ITPRID1: variants seen among roughly 807,000 people sequenced by gnomAD.
ITPRID1 encodes protein ITPRID1.
A neutral mutation model predicts 95.4 loss-of-function variants in ITPRID1; 96 were observed. That is an observed-to-expected ratio of 1.01 (90% CI 0.85 to 1.19). The LOEUF is 1.19. Among genes scored for constraint, ITPRID1 ranks in the 50% most tolerant of loss-of-function variants. ITPRID1 has a pLI of 0.00. For synonymous variants in ITPRID1, 510 were observed against 453.6 expected (o/e 1.12, Z -1.58); for missense variants, 1,339 against 1,252.9 (o/e 1.07, Z -1.04).
intron 5 of ITPRID1, among the ~76,000 whole-genome samples, chr7:31,568,634 C>G (rs1056220828): frequency 2.0e-5 from 3 of 152,186 alleles, no homozygotes; most frequent in African/African-American, 7.2e-5. Context: ...GATACAGGGT[C>G]TGAATCTTGC....
intron 12 of ITPRID1, among the ~76,000 whole-genome samples, chr7:31,647,835 A>G (rs753482801): frequency 1.3e-5 from 2 of 152,180 alleles, no homozygotes; most frequent in African/African-American, 2.4e-5. Context: ...ATAGCAATAT[A>G]TAACACTGCA....
chr7:31,519,620 C>CTCTCTCTCTCTCTCTCTCTATATA, intron 1 of ITPRID1, among the ~76,000 whole-genome samples: 1 of 25,268 alleles, frequency 4.0e-5, no homozygotes, highest in Non-Finnish European at 7.3e-5. Context: ...CTCTCTCTCT[C>CTCTCTCTCTCTCTCTCTCTATATA]TATATATATA....
At chr7:31,598,364 T>C (rs1296374705) in intron 10 of ITPRID1, among the ~76,000 whole-genome samples, 3 of 151,686 alleles carry the variant, frequency 2.0e-5, no homozygotes, top group Non-Finnish European at 2.9e-5. Context: ...AATAAAATAT[T>C]AGTGGCTAAA....
At chr7:31,618,959 C>T (rs1787535675) in intron 10 of ITPRID1, among the ~76,000 whole-genome samples, 1 of 152,150 alleles carries the variant, frequency 6.6e-6, no homozygotes, top group Admixed American at 6.5e-5. Flanking sequence ...TGACTCAAAG[C>T]ATTCTAGGAT....
At chr7:31,624,722 C>A (rs1278283737) in intron 10 of ITPRID1, among the ~76,000 whole-genome samples, 4 of 151,190 alleles carry the variant, frequency 2.6e-5, no homozygotes, top group Non-Finnish European at 4.4e-5. Context: ...GCAAGGACTT[C>A]ATGTCTAAAA....
intron 10 of ITPRID1, among the ~76,000 whole-genome samples, chr7:31,610,202 C>T (rs1166503477): frequency 6.6e-6 from 1 of 151,572 alleles, no homozygotes; most frequent in Non-Finnish European, 1.5e-5. Flanking sequence ...TATGGTCTAT[C>T]CTGCTTGGAG....
rs1390213891 is a variant in ITPRID1 at position 31,578,448 on chromosome 7, C to G, written c.1170+14C>G. 2 of 1,553,820 alleles carry G rather than the reference C, an allele frequency of 1.3e-6. No homozygotes were observed. The highest frequency in any genetic ancestry group is 1.7e-6 in the Non-Finnish European group (2 of 1,148,524). On this transcript the variant is annotated intron_variant, in intron 9 of 14. Coordinates refer to ENST00000615280, the MANE Select transcript of ITPRID1 (RefSeq NM_001257967.3). ...GAAATGGAAGAGGTCAGTGCTGCACCAACGTACCAGCCTCCTAAGGGAAAT... is the reference window on the plus strand; with the variant it reads ...GAAATGGAAGAGGTCAGTGCTGCACGAACGTACCAGCCTCCTAAGGGAAAT...
At chr7:31,608,953 G>A (rs937729639) in intron 10 of ITPRID1, among the ~76,000 whole-genome samples, 14 of 151,570 alleles carry the variant, frequency 9.2e-5, no homozygotes, top group African/African-American at 2.4e-4. Context: ...TGATGTTAGC[G>A]ATGGCCTTTT....
chr7:31,558,493 G>A (rs1784524993), intron 5 of ITPRID1, among the ~76,000 whole-genome samples: 1 of 152,034 alleles, frequency 6.6e-6, no homozygotes, highest in Non-Finnish European at 1.5e-5. Context: ...TTTTATGTCA[G>A]TAAAGTGTCT....
chr7:31,635,255 A>T (rs1789374195), intron 10 of ITPRID1, among the ~76,000 whole-genome samples: 1 of 152,206 alleles, frequency 6.6e-6, no homozygotes, highest in Non-Finnish European at 1.5e-5. Flanking sequence ...AGATGTGCAT[A>T]GTCTGGTTGT....
intron 10 of ITPRID1, among the ~76,000 whole-genome samples, chr7:31,618,683 C>T (rs950965846): frequency 3.9e-5 from 6 of 152,066 alleles, no homozygotes; most frequent in African/African-American, 1.4e-4. Context: ...TAGGGCTTAC[C>T]AATAATTATT....
intron 8 of ITPRID1, among the ~76,000 whole-genome samples, chr7:31,576,917 T>C (rs1202892183): frequency 6.7e-6 from 1 of 148,356 alleles, no homozygotes; most frequent in Non-Finnish European, 1.5e-5. Flanking sequence ...AAAAATATTT[T>C]CCACTTTTTT....
chr7:31,602,377 A>C (rs773616102), intron 10 of ITPRID1, among the ~76,000 whole-genome samples: 1 of 151,748 alleles, frequency 6.6e-6, no homozygotes, highest in Non-Finnish European at 1.5e-5. Flanking sequence ...TTTGGCATTT[A>C]CAAATTCTTT....
intron 7 of ITPRID1, among the ~76,000 whole-genome samples, chr7:31,572,750 C>A (rs185976772): frequency 3.7e-4 from 56 of 152,118 alleles, no homozygotes; most frequent in African/African-American, 1.3e-3. Flanking sequence ...TTAAGTATTA[C>A]TTAAAAAGTT....
chr7:31,587,044 C>A (rs921597756), intron 10 of ITPRID1, among the ~76,000 whole-genome samples: 1 of 152,098 alleles, frequency 6.6e-6, no homozygotes, highest in Non-Finnish European at 1.5e-5. Context: ...ACTGAATGGG[C>A]AAAAACTGGA....
rs919092505 is a variant in ITPRID1, at chr7:31,631,987, G to T, written c.1229-10189G>T. On this transcript the variant is annotated intron_variant, in intron 10 of 14. Coordinates refer to ENST00000615280, the MANE Select transcript of ITPRID1 (RefSeq NM_001257967.3). ...TCCAGCACAGCAGAGGGCCCTGCAG[G>T]TCCCAGTGACCACCTGTTAGGAATG... is the stretch of plus-strand genomic sequence containing the variant. Among the ~76,000 whole-genome samples, 8 of 152,316 alleles carry T rather than the reference G, an allele frequency of 5.3e-5. No homozygotes were observed. The South Asian group carries it at 1.0e-3, about 20-fold the overall frequency.
chr7:31,607,595 C>G (rs2128163071), intron 10 of ITPRID1, among the ~76,000 whole-genome samples: 1 of 152,178 alleles, frequency 6.6e-6, no homozygotes, highest in African/African-American at 2.4e-5. Context: ...TTCATTTTGA[C>G]TCTACTGCTC....
At chr7:31,640,016 G>A (rs1022542568) in intron 10 of ITPRID1, among the ~76,000 whole-genome samples, 1 of 152,102 alleles carries the variant, frequency 6.6e-6, no homozygotes, top group African/African-American at 2.4e-5. Context: ...CATATAGGTG[G>A]TAGATAGTAC....
chr7:31,619,330 G>A (rs1046843282), intron 10 of ITPRID1, among the ~76,000 whole-genome samples: 5 of 152,162 alleles, frequency 3.3e-5, no homozygotes, highest in African/African-American at 1.2e-4. Flanking sequence ...TATTCTAGGT[G>A]CCAACAATGA....
Sources: allele counts gnomAD v4.1 joint callset (sites outside exome capture counted in the v4.1 genomes callset), GRCh38; gene constraint gnomAD v4.1.1; transcripts MANE v1.5; gene names NCBI Gene and HGNC (gene_info 2026-07-23, HGNC 2026-07-21).